UBE3C: variants seen among roughly 807,000 people sequenced by gnomAD.
UBE3C encodes the protein ubiquitin protein ligase E3C, also known as ubiquitin-protein ligase E3C.
Under a neutral mutation model 129.4 loss-of-function variants are expected in UBE3C, and 42 were observed. The ratio of observed to expected loss-of-function variants is 0.32; its 90% CI spans 0.25 to 0.42. The LOEUF is 0.42. Ranked by LOEUF, UBE3C falls within the 10% of genes least tolerant of loss-of-function variation. UBE3C has a pLI of 1.00. For missense variants in UBE3C, 1,049 were observed against 1,319.1 expected (o/e 0.80, Z 3.17); for synonymous variants, 510 against 492.4 (o/e 1.04, Z -0.47).
chr7:157,212,645 C>T (rs1809629346), intron 13 of UBE3C, among the ~76,000 whole-genome samples: 1 of 152,226 alleles, frequency 6.6e-6, no homozygotes, highest in African/African-American at 2.4e-5. Flanking sequence ...CAGTTATCTA[C>T]TTGATCTTTT....
chr7:157,213,658 A>G (rs538209737), intron 13 of UBE3C, among the ~76,000 whole-genome samples: 6 of 152,234 alleles, frequency 3.9e-5, no homozygotes, highest in African/African-American at 1.4e-4. Context: ...GATCCAGTCA[A>G]ATTTTCATGT....
intron 18 of UBE3C, among the ~76,000 whole-genome samples, chr7:157,233,477 G>C (rs1584807760): frequency 6.6e-6 from 1 of 152,018 alleles, no homozygotes; most frequent in East Asian, 1.9e-4. Flanking sequence ...GCAGGGTCTT[G>C]CCATGTTGCC....
Position 157,152,384 on chromosome 7 carries a change from G to C in UBE3C, c.67-11426G>C, listed in dbSNP as rs1248413699. Among the ~76,000 whole-genome samples, 4 of 152,162 alleles carry C rather than the reference G, an allele frequency of 2.6e-5. No homozygotes were observed. The East Asian group carries it at 7.7e-4, about 29-fold the overall frequency. Reference sequence around the variant, plus strand: ...TGCGTGGGGGGCAGTTTGGGTGTTTGAATCTAGGGAGGCAAAGCCTGAAGC... The same window carrying C: ...TGCGTGGGGGGCAGTTTGGGTGTTTCAATCTAGGGAGGCAAAGCCTGAAGC... On this transcript the variant is annotated intron_variant, in intron 1 of 22. Transcript: ENST00000348165.
At chr7:157,182,564 GTT>G (rs1808695609) in intron 8 of UBE3C, among the ~76,000 whole-genome samples, 1 of 152,152 alleles carries the variant, frequency 6.6e-6, no homozygotes, top group Non-Finnish European at 1.5e-5. Flanking sequence ...TTTTAATAGA[GTT>G]AACAGAGTTA....
At chr7:157,232,542 G>A (rs1796048544) in intron 18 of UBE3C, among the ~76,000 whole-genome samples, 1 of 152,224 alleles carries the variant, frequency 6.6e-6, no homozygotes, top group East Asian at 1.9e-4. Context: ...AAGAGATGGG[G>A]GTTTCCACCA....
intron 13 of UBE3C, among the ~76,000 whole-genome samples, chr7:157,211,865 A>G (rs750059578): frequency 3.2e-4 from 49 of 152,172 alleles, no homozygotes; most frequent in Non-Finnish European, 5.4e-4. Context: ...GGAGACATGC[A>G]TTCAGCTAAT....
At chr7:157,228,651 G>A (rs1473290945) in intron 17 of UBE3C, among the ~76,000 whole-genome samples, 1 of 152,248 alleles carries the variant, frequency 6.6e-6, no homozygotes, top group African/African-American at 2.4e-5. Flanking sequence ...TCCCAAGGGT[G>A]ACACGGACAC....
intron 1 of UBE3C, among the ~76,000 whole-genome samples, chr7:157,141,079 T>C (rs1807433587): frequency 6.6e-6 from 1 of 152,138 alleles, no homozygotes; most frequent in Non-Finnish European, 1.5e-5. Context: ...TGCAGGCTGC[T>C]GCCCCTCCGG....
chr7:157,229,189 T>A (rs992562865), intron 17 of UBE3C, among the ~76,000 whole-genome samples: 1 of 152,220 alleles, frequency 6.6e-6, no homozygotes, highest in Non-Finnish European at 1.5e-5. Context: ...AAAGCACCTG[T>A]AGAACATTCT....
intron 19 of UBE3C, among the ~76,000 whole-genome samples, chr7:157,252,346 G>T (rs1375937341): frequency 6.6e-6 from 1 of 152,146 alleles, no homozygotes; most frequent in Non-Finnish European, 1.5e-5. Flanking sequence ...CTGAGGCTTG[G>T]TTAACAGATG....
intron 15 of UBE3C, chr7:157,221,478 T>A (rs12533082): frequency 0.48 from 73,515 of 152,118 alleles, 20,722 homozygotes; most frequent in African/African-American, 0.79. Context: ...GTGGTGGCTC[T>A]CGCCTGTAAT....
At chr7:157,159,226 A>G (rs1808000186) in intron 1 of UBE3C, among the ~76,000 whole-genome samples, 1 of 152,202 alleles carries the variant, frequency 6.6e-6, no homozygotes, top group South Asian at 2.1e-4. Context: ...TTGTGGAGGA[A>G]AGAATTGTGG....
intron 1 of UBE3C, among the ~76,000 whole-genome samples, chr7:157,142,259 C>T (rs1364681339): frequency 6.6e-6 from 1 of 151,490 alleles, no homozygotes; most frequent in East Asian, 1.9e-4. Flanking sequence ...TTGAAATCTT[C>T]CCTTTCTGGA....
chr7:157,221,155 A>G (rs1795725724), intron 15 of UBE3C: 1 of 175,892 alleles, frequency 5.7e-6, no homozygotes, highest in Non-Finnish European at 1.2e-5. Flanking sequence ...TTGTGAATCC[A>G]TTCATTGGTT....
chr7:157,176,734 G>T (rs1808528948), intron 5 of UBE3C, among the ~76,000 whole-genome samples: 1 of 152,120 alleles, frequency 6.6e-6, no homozygotes, highest in African/African-American at 2.4e-5. Flanking sequence ...CGTTTTTCTT[G>T]GCTTGGCCTC....
chr7:157,190,059 C>T (rs545426199), intron 10 of UBE3C, among the ~76,000 whole-genome samples: 1 of 152,204 alleles, frequency 6.6e-6, no homozygotes, highest in Admixed American at 6.5e-5. Flanking sequence ...CTCAGCTTTC[C>T]AAAGTGCTGG....
At chr7:157,249,459 T>A (rs1368592818) in intron 19 of UBE3C, among the ~76,000 whole-genome samples, 1 of 152,056 alleles carries the variant, frequency 6.6e-6, no homozygotes, top group East Asian at 1.9e-4. Context: ...GGGATTACAA[T>A]GCGCCACCAC....
chr7:157,204,546 C>G (rs1809380200), intron 11 of UBE3C, among the ~76,000 whole-genome samples: 1 of 152,136 alleles, frequency 6.6e-6, no homozygotes, highest in African/African-American at 2.4e-5. Flanking sequence ...TTCTTCACCC[C>G]AGTCTAGCAG....
intron 1 of UBE3C, chr7:157,140,144 G>A (rs1807398312): frequency 2.0e-6 from 1 of 503,268 alleles, no homozygotes; most frequent in Admixed American, 6.4e-5. Context: ...TGAACACTGT[G>A]TGGTCTTGTT....
Sources: allele counts gnomAD v4.1 joint callset (sites outside exome capture counted in the v4.1 genomes callset), GRCh38; gene constraint gnomAD v4.1.1; transcripts MANE v1.5; gene names NCBI Gene and HGNC (gene_info 2026-07-23, HGNC 2026-07-21).